Variants in FBXL13 observed in about 807,000 individuals in gnomAD.
FBXL13 encodes F-box and leucine-rich repeat protein 13.
Under a neutral mutation model 83.6 loss-of-function variants are expected in FBXL13, and 67 were observed. The observed-to-expected ratio is 0.80, with a 90% CI of 0.66 to 0.98. FBXL13 has a LOEUF of 0.98. Among genes scored for constraint, FBXL13 ranks in the 50% least tolerant of loss-of-function variants. The pLI, the probability that FBXL13 is intolerant of heterozygous loss-of-function variation, is 0.00. For synonymous variants in FBXL13, 272 were observed against 299.5 expected (o/e 0.91, Z 0.95); for missense variants, 822 against 866.5 (o/e 0.95, Z 0.64).
At chr7:102,915,609 G>A (rs1815695846) in intron 10 of FBXL13, among the ~76,000 whole-genome samples, 1 of 152,118 alleles carries the variant, frequency 6.6e-6, no homozygotes, top group Admixed American at 6.6e-5. Context: ...AGACACCTTT[G>A]GCTTTTGGCA....
intron 6 of FBXL13, among the ~76,000 whole-genome samples, chr7:103,013,381 T>C (rs1450761189): frequency 3.3e-5 from 5 of 152,126 alleles, no homozygotes; most frequent in Admixed American, 2.6e-4. Context: ...ACCACACATA[T>C]TGGACATAAA....
At chr7:102,947,264 G>A (rs776345311) in intron 8 of FBXL13, among the ~76,000 whole-genome samples, 2 of 152,168 alleles carry the variant, frequency 1.3e-5, no homozygotes, top group Non-Finnish European at 2.9e-5. Context: ...GGAGGCAAGA[G>A]GATTCTGGAA....
At chr7:103,007,373 C>T (rs929194800) in intron 6 of FBXL13, among the ~76,000 whole-genome samples, 2 of 150,740 alleles carry the variant, frequency 1.3e-5, no homozygotes, top group African/African-American at 4.9e-5. Flanking sequence ...CTTACAAAAG[C>T]AGAAAAAAAA....
At chr7:103,061,821 C>G (rs1415564657) in intron 1 of FBXL13, among the ~76,000 whole-genome samples, 2 of 151,598 alleles carry the variant, frequency 1.3e-5, no homozygotes, top group Admixed American at 6.6e-5. Flanking sequence ...GCCGGTAGTC[C>G]CAGCTACTCA....
chr7:103,045,002 G>A (rs1796126526), intron 2 of FBXL13, among the ~76,000 whole-genome samples: 2 of 152,210 alleles, frequency 1.3e-5, no homozygotes, highest in African/African-American at 4.8e-5. Context: ...TAAATGTAAA[G>A]GAATTTAATT....
chr7:102,852,410 G>A (rs1341134732), intron 17 of FBXL13, among the ~76,000 whole-genome samples: 1 of 152,068 alleles, frequency 6.6e-6, no homozygotes, highest in Non-Finnish European at 1.5e-5. Context: ...TGCACAGAGT[G>A]GGAGAAAATC....
At chr7:102,945,325 A>C (rs1822287542) in intron 8 of FBXL13, among the ~76,000 whole-genome samples, 1 of 152,132 alleles carries the variant, frequency 6.6e-6, no homozygotes, top group Non-Finnish European at 1.5e-5. Flanking sequence ...ATATGGAGAC[A>C]CCATTTTTGT....
At chr7:102,925,334 G>T (rs1430511440) in intron 10 of FBXL13, among the ~76,000 whole-genome samples, 1 of 152,182 alleles carries the variant, frequency 6.6e-6, no homozygotes, top group African/African-American at 2.4e-5. Flanking sequence ...GATTGAGGCT[G>T]CCGTAAGCCA....
exon 7 of FBXL13, chr7:102,968,043 T>C (rs1826185015): frequency 6.2e-7 from 1 of 1,613,606 alleles, no homozygotes; most frequent in Non-Finnish European, 8.5e-7. Context: ...GTGAGTTTAG[T>C]TGTGTCATCA....
At position 102,913,086 on chromosome 7, in the gene FBXL13, C is replaced by T. The variant is rs774095822; in HGVS notation, c.1008G>A (p.Gln336=). The T allele has an allele frequency of 1.1e-5, 17 of 1,614,100 alleles. No individual in the cohort carries two copies. The highest frequency in any genetic ancestry group is 1.4e-5 in the Non-Finnish European group (17 of 1,179,994). The change falls in exon 11 of 20, where the codon CAG becomes CAA. Residue 336 remains glutamine (Q), a splice_region_variant and synonymous_variant. Transcript: ENST00000313221. ...GCAAAGAGAAGACTGAAAGACAAACCTGGGTGCAGCCAGAGAGGTCCAGAT... is the reference window on the plus strand; with the variant it reads ...GCAAAGAGAAGACTGAAAGACAAACTTGGGTGCAGCCAGAGAGGTCCAGAT...
intron 11 of FBXL13, among the ~76,000 whole-genome samples, chr7:102,889,395 TTTTG>T (rs570572124): frequency 5.3e-4 from 81 of 152,280 alleles, no homozygotes; most frequent in Admixed American, 1.0e-3. Flanking sequence ...GAGAACTGTT[TTTTG>T]TTTGTTTTTA....
intron 6 of FBXL13, among the ~76,000 whole-genome samples, chr7:102,997,198 G>T (rs1329244146): frequency 2.0e-5 from 3 of 152,110 alleles, no homozygotes; most frequent in African/African-American, 7.2e-5. Context: ...GACACAAAAT[G>T]AATGACCGCG....
intron 16 of FBXL13, among the ~76,000 whole-genome samples, chr7:102,860,615 T>C (rs914969817): frequency 4.6e-5 from 7 of 152,156 alleles, no homozygotes; most frequent in Non-Finnish European, 8.8e-5. Context: ...CTTTTTCATC[T>C]GGAATTGTTT....
chr7:103,015,797 C>CAA (rs56376102), intron 6 of FBXL13, among the ~76,000 whole-genome samples: 1,786 of 115,480 alleles, frequency 0.015, 125 homozygotes, highest in African/African-American at 0.054. Context: ...ACTCTCATCT[C>CAA]AAAAAAAAAA....
chr7:102,981,309 T>C (rs979266781), intron 6 of FBXL13, among the ~76,000 whole-genome samples: 3 of 152,192 alleles, frequency 2.0e-5, no homozygotes, highest in Non-Finnish European at 4.4e-5. Context: ...AAATACTTTC[T>C]AGTCCAAGAA....
intron 6 of FBXL13, among the ~76,000 whole-genome samples, chr7:102,969,820 G>GGAGGA (rs560682044): frequency 0.017 from 2,221 of 128,106 alleles, 38 homozygotes; most frequent in Non-Finnish European, 0.028. Context: ...GAAAGGAAAG[G>GGAGGA]GAGGAGAGGG....
intron 17 of FBXL13, among the ~76,000 whole-genome samples, chr7:102,851,402 A>G (rs1009596397): frequency 2.8e-5 from 4 of 140,718 alleles, no homozygotes; most frequent in African/African-American, 8.4e-5. Context: ...TACTTGTGGG[A>G]CAAACCCTTT....
intron 1 of FBXL13, among the ~76,000 whole-genome samples, chr7:103,058,549 G>T (rs1410907655): frequency 2.6e-5 from 4 of 152,196 alleles, no homozygotes; most frequent in African/African-American, 9.6e-5. Context: ...GCACTTCTGT[G>T]CCTGGGTCTC....
At chr7:102,966,943 T>A (rs1399536534) in intron 7 of FBXL13, among the ~76,000 whole-genome samples, 2 of 152,122 alleles carry the variant, frequency 1.3e-5, no homozygotes, top group African/African-American at 2.4e-5. Flanking sequence ...CCAGGTACAC[T>A]AAGGTCATCC....
Sources: allele counts gnomAD v4.1 joint callset (sites outside exome capture counted in the v4.1 genomes callset), GRCh38; gene constraint gnomAD v4.1.1; transcripts MANE v1.5; gene names NCBI Gene and HGNC (gene_info 2026-07-23, HGNC 2026-07-21).